The following CEP63 variants were observed in gnomAD, a reference collection of about 807,000 sequenced individuals.
CEP63 encodes centrosomal protein 63, also known as centrosomal protein of 63 kDa.
A neutral mutation model predicts 89.1 loss-of-function variants in CEP63; 84 were observed. The observed-to-expected ratio is 0.94, with a 90% confidence interval of 0.79 to 1.13. The LOEUF (loss-of-function observed/expected upper bound fraction) is 1.13, where lower values mean the gene tolerates loss of function less well. Ranked by LOEUF, CEP63 falls within the 50% of genes most tolerant of loss-of-function variation. The pLI is 0.00. For missense variants in CEP63, 838 were observed against 813.3 expected, an observed-to-expected ratio of 1.03 and a Z score of -0.37; for synonymous variants, 267 against 272.5, an observed-to-expected ratio of 0.98 and a Z score of 0.20.
intron 8 of CEP63, among the ~76,000 whole-genome samples, 187 bp from the exon 9 acceptor site, chr3:134,547,148 A>G (rs112564247): frequency 7.2e-5 from 11 of 152,200 alleles, no homozygotes; most frequent in African/African-American, 2.2e-4. Flanking sequence ...GTAAATTGCT[A>G]CTTTTTGAAG....
intron 1 of CEP63, among the ~76,000 whole-genome samples, chr3:134,492,271 AC>A: frequency 6.6e-6 from 1 of 152,026 alleles, no homozygotes; most frequent in East Asian, 1.9e-4. Flanking sequence ...ACGGGGTTTC[AC>A]CGTGTTAGCC....
the CEP63 span, among the ~76,000 whole-genome samples, chr3:134,742,757 C>G: frequency 2.0e-5 from 3 of 152,180 alleles, no homozygotes; most frequent in Non-Finnish European, 2.9e-5. Context: ...AATGAAAGGG[C>G]TTTTGGGAGT....
At chr3:134,603,563 G>T in the CEP63 span, 2 of 1,556,236 alleles carry the variant, frequency 1.3e-6, no homozygotes, top group South Asian at 2.5e-5. Flanking sequence ...GGGAGGGTAA[G>T]ACCGGGGCAC....
At chr3:134,627,990 G>C in the CEP63 span, 1 of 618,504 alleles carries the variant, frequency 1.6e-6, no homozygotes, top group Non-Finnish European at 2.9e-6. Flanking sequence ...GAATTGCCAG[G>C]AACTTCCTGG....
the CEP63 span, among the ~76,000 whole-genome samples, chr3:134,662,628 T>G: frequency 1.9e-4 from 29 of 152,166 alleles, 1 homozygote; most frequent in African/African-American, 6.3e-4. Flanking sequence ...CTATTCAGCA[T>G]GAATAAAACA....
the CEP63 span, among the ~76,000 whole-genome samples, chr3:134,715,393 T>C: frequency 2.0e-5 from 3 of 152,300 alleles, 1 homozygote; most frequent in South Asian, 6.2e-4. Flanking sequence ...TACTGGTTCC[T>C]GTATAGAAGC....
At chr3:134,648,719 G>T in the CEP63 span, among the ~76,000 whole-genome samples, 2 of 152,048 alleles carry the variant, frequency 1.3e-5, no homozygotes, top group East Asian at 1.9e-4. Flanking sequence ...TTTTCTTCCA[G>T]CAGAAGGGCC....
chr3:134,720,332 A>G, the CEP63 span, among the ~76,000 whole-genome samples: 1 of 152,158 alleles, frequency 6.6e-6, no homozygotes, highest in Non-Finnish European at 1.5e-5. Flanking sequence ...ATATTGAGTT[A>G]TAAGAATGTA....
At chr3:134,642,894 C>T in the CEP63 span, among the ~76,000 whole-genome samples, 3 of 152,156 alleles carry the variant, frequency 2.0e-5, no homozygotes, top group Non-Finnish European at 4.4e-5. Context: ...TCAGTTTACT[C>T]ATCTGTAATT....
the CEP63 span, among the ~76,000 whole-genome samples, chr3:134,757,868 T>G: frequency 0.59 from 89,756 of 151,806 alleles, 29,889 homozygotes; most frequent in East Asian, 0.9. Context: ...CACTTCCATG[T>G]GCCCCTCCGT....
At chr3:134,749,762 G>C in the CEP63 span, among the ~76,000 whole-genome samples, 1 of 134,122 alleles carries the variant, frequency 7.5e-6, no homozygotes, top group Non-Finnish European at 1.6e-5. Context: ...AGGTAAAGTG[G>C]GATGATAAAA....
the CEP63 span, among the ~76,000 whole-genome samples, chr3:134,701,020 G>A: frequency 4.6e-5 from 1 of 21,970 alleles, no homozygotes; most frequent in Non-Finnish European, 1.8e-4. Flanking sequence ...AGTTAGTTCT[G>A]CTTTTATATG....
intron 6 of CEP63, among the ~76,000 whole-genome samples, chr3:134,545,189 G>A (rs180834265): frequency 4.6e-5 from 7 of 151,976 alleles, no homozygotes; most frequent in Admixed American, 6.6e-5. Flanking sequence ...TAGTAGAGAC[G>A]GGTTTCACCA....
the CEP63 span, among the ~76,000 whole-genome samples, chr3:134,612,643 A>G: frequency 3.3e-4 from 50 of 152,082 alleles, no homozygotes; most frequent in Non-Finnish European, 6.3e-4. Context: ...CTGGGTGAGG[A>G]GAAGAAATGT....
At chr3:134,714,682 C>T in the CEP63 span, among the ~76,000 whole-genome samples, 5 of 152,210 alleles carry the variant, frequency 3.3e-5, no homozygotes, top group Non-Finnish European at 7.3e-5. Flanking sequence ...TCTAGCTATC[C>T]CTGGCCAGCA....
chr3:134,545,963 T>C, intron 7 of CEP63, 144 bp downstream of exon 7: 1 of 829,730 alleles, frequency 1.2e-6, no homozygotes, highest in South Asian at 1.8e-5. Flanking sequence ...GTTTTACTAA[T>C]ATTGTGACTT....
At chr3:134,487,822 T>C (rs1416248998) in intron 1 of CEP63, among the ~76,000 whole-genome samples, 1 of 152,272 alleles carries the variant, frequency 6.6e-6, no homozygotes, top group Non-Finnish European at 1.5e-5. Flanking sequence ...TTAGCTTGTT[T>C]GAACCAAAAT....
At chr3:134,610,257 G>C in the CEP63 span, 1 of 1,613,960 alleles carries the variant, frequency 6.2e-7, no homozygotes, top group Admixed American at 1.7e-5. Context: ...TGTCCACCAG[G>C]TGCCATCTTC....
At chr3:134,746,901 C>A in the CEP63 span, among the ~76,000 whole-genome samples, 1 of 152,174 alleles carries the variant, frequency 6.6e-6, no homozygotes, top group Non-Finnish European at 1.5e-5. Flanking sequence ...ATGGCAGTTT[C>A]TTTTGCTGTG....
Sources: gnomAD v4.1 joint callset for allele counts (sites outside exome capture counted in the v4.1 genomes callset) on GRCh38, gnomAD v4.1.1 for gene constraint, MANE v1.5 for transcripts, NCBI Gene and HGNC (gene_info 2026-07-23, HGNC 2026-07-21) for gene names.